The following KLHL8 variants were observed in gnomAD, a reference collection of about 807,000 sequenced individuals.
The protein encoded by KLHL8 is kelch like family member 8, also known as kelch-like protein 8.
Under a neutral mutation model 63.5 loss-of-function variants are expected in KLHL8, and 38 were observed. The observed-to-expected ratio is 0.60, with a 90% CI of 0.46 to 0.78. KLHL8 has a LOEUF of 0.78. Among genes scored for constraint, KLHL8 ranks in the 30% least tolerant of loss-of-function variants. KLHL8 has a pLI of 0.00. For missense variants in KLHL8, 566 were observed against 752.4 expected (o/e 0.75, Z 2.90); for synonymous variants, 224 against 254.3 (o/e 0.88, Z 1.13).
upstream of KLHL8, among the ~76,000 whole-genome samples, chr4:87,223,691 A>C (rs551818247): frequency 5.2e-4 from 78 of 151,442 alleles, no homozygotes; most frequent in African/African-American, 1.8e-3. Context: ...TGAAATTTTT[A>C]AACCAAATAG....
chr4:87,216,157 G>C (rs1477858085), intron 1 of KLHL8, among the ~76,000 whole-genome samples: 1 of 152,164 alleles, frequency 6.6e-6, no homozygotes, highest in Non-Finnish European at 1.5e-5. Flanking sequence ...TGGGGGTGGG[G>C]AAGAAGAGAG....
upstream of KLHL8, among the ~76,000 whole-genome samples, chr4:87,225,452 T>C (rs1258828322): frequency 1.3e-5 from 2 of 152,190 alleles, no homozygotes; most frequent in Non-Finnish European, 2.9e-5. Flanking sequence ...CTTTGCTCAG[T>C]AAACAACCAT....
intron 1 of KLHL8, among the ~76,000 whole-genome samples, chr4:87,206,322 C>T (rs2110034516): frequency 6.6e-6 from 1 of 152,320 alleles, no homozygotes; most frequent in South Asian, 2.1e-4. Context: ...TTATCTAACT[C>T]AAACTGTCCT....
At chr4:87,213,320 G>C (rs1030680155) in intron 1 of KLHL8, among the ~76,000 whole-genome samples, 1 of 152,212 alleles carries the variant, frequency 6.6e-6, no homozygotes, top group South Asian at 2.1e-4. Context: ...TGACAGGGTT[G>C]TACTTAAGAT....
intron 1 of KLHL8, among the ~76,000 whole-genome samples, chr4:87,236,356 G>A (rs572967295): frequency 6.6e-6 from 1 of 151,906 alleles, no homozygotes; most frequent in South Asian, 2.1e-4. Flanking sequence ...CTACAGGGGC[G>A]CACCACCATG....
At chr4:87,163,741 G>A in intron 9 of KLHL8, 99 bp from the exon 10 acceptor site, 1 of 1,552,688 alleles carries the variant, frequency 6.4e-7, no homozygotes. Flanking sequence ...TGGTTTTGTA[G>A]GACAGCAAGC....
chr4:87,174,355 T>A (rs1730739896), intron 6 of KLHL8, among the ~76,000 whole-genome samples: 1 of 151,982 alleles, frequency 6.6e-6, no homozygotes, highest in Admixed American at 6.6e-5. Flanking sequence ...CTCGGCTCAC[T>A]GCAACCTCCA....
intron 1 of KLHL8, 70 bp from the exon 2 acceptor site, chr4:87,195,760 T>TTG: frequency 4.6e-6 from 2 of 439,042 alleles, no homozygotes; most frequent in African/African-American, 2.0e-5. Flanking sequence ...TATAATTTGT[T>TTG]AATACTATAT....
chr4:87,164,977 T>A (rs1044383529), intron 8 of KLHL8, among the ~76,000 whole-genome samples: 1 of 151,148 alleles, frequency 6.6e-6, no homozygotes, highest in Non-Finnish European at 1.5e-5. Flanking sequence ...TGAAACCCCG[T>A]CTCTACTAAA....
rs1731624453 is a variant in KLHL8 at position 87,194,597 on chromosome 4, C to T, written c.216+727G>A. ...GCTGTGGCAGGAGGACTGCTTAAGC[C>T]CAAGAGTTCACCAAAAAATTTTAAT... On this transcript the variant is annotated intron_variant, in intron 2 of 9. Coordinates refer to ENST00000273963, the MANE Select transcript of KLHL8 (RefSeq NM_020803.5). 2.0e-5 allele frequency among the ~76,000 whole-genome samples: 3 copies of T among 152,206 alleles called. No individual in the cohort carries two copies. The South Asian group carries it at 6.2e-4, about 32-fold the overall frequency.
intron 2 of KLHL8, 44 bp from the exon 3 acceptor site, chr4:87,185,843 C>G: frequency 6.8e-7 from 1 of 1,467,790 alleles, no homozygotes; most frequent in South Asian, 1.4e-5. Context: ...ATATCAAAAT[C>G]AGCTTCAGGT....
At chr4:87,204,925 A>C (rs927482943) in intron 1 of KLHL8, among the ~76,000 whole-genome samples, 4 of 151,950 alleles carry the variant, frequency 2.6e-5, no homozygotes, top group African/African-American at 9.7e-5. Context: ...TGATTAGATA[A>C]ATCTACACAT....
At chr4:87,173,093 C>T (rs1328492165) in intron 6 of KLHL8, among the ~76,000 whole-genome samples, 6 of 152,122 alleles carry the variant, frequency 3.9e-5, no homozygotes, top group Non-Finnish European at 5.9e-5. Context: ...GCTCTTTGCT[C>T]TCTTTCATCG....
At chr4:87,220,762 C>G (rs1215168050), upstream of KLHL8, 1 of 152,186 alleles carries the variant, frequency 6.6e-6, no homozygotes, top group Non-Finnish European at 1.5e-5. Flanking sequence ...GCAGTGTTGC[C>G]CGGCCTGGTG....
chr4:87,206,213 T>C (rs1212161653), intron 1 of KLHL8, among the ~76,000 whole-genome samples: 1 of 152,176 alleles, frequency 6.6e-6, no homozygotes, highest in African/African-American at 2.4e-5. Context: ...CCAGTTCAGA[T>C]CCACATACTA....
At chr4:87,238,533 A>C (rs552847148) in intron 1 of KLHL8, among the ~76,000 whole-genome samples, 1 of 152,172 alleles carries the variant, frequency 6.6e-6, no homozygotes, top group South Asian at 2.1e-4. Context: ...AAAAAGTTCT[A>C]TATCTGTTCT....
intron 4 of KLHL8, among the ~76,000 whole-genome samples, chr4:87,180,256 T>C (rs1347665290): frequency 6.6e-6 from 1 of 152,224 alleles, no homozygotes; most frequent in East Asian, 1.9e-4. Flanking sequence ...GAGTCTAAGG[T>C]AGGTTAAGAC....
chr4:87,232,407 T>C (rs1578412748), intron 1 of KLHL8, among the ~76,000 whole-genome samples: 1 of 152,232 alleles, frequency 6.6e-6, no homozygotes, highest in East Asian at 1.9e-4. Context: ...ATCATATGAA[T>C]ATACCATAAT....
chr4:87,203,854 A>C (rs938624473), intron 1 of KLHL8, among the ~76,000 whole-genome samples: 2 of 152,110 alleles, frequency 1.3e-5, no homozygotes, highest in East Asian at 3.8e-4. Context: ...GAGAATAAAA[A>C]GACAAGCTTC....
Sources: allele counts gnomAD v4.1 joint callset (sites outside exome capture counted in the v4.1 genomes callset), GRCh38; gene constraint gnomAD v4.1.1; transcripts MANE v1.5; gene names NCBI Gene and HGNC (gene_info 2026-07-23, HGNC 2026-07-21).